ATP5F1C: variants seen among roughly 807,000 people sequenced by gnomAD.
ATP5F1C encodes ATP synthase F(1) complex subunit gamma, mitochondrial.
Under a neutral mutation model 37.4 loss-of-function variants are expected in ATP5F1C, and 22 were observed. The ratio of observed to expected loss-of-function variants is 0.59; its 90% CI spans 0.42 to 0.84. ATP5F1C has a LOEUF of 0.84. ATP5F1C is among the 40% of genes least tolerant of loss of function. The pLI is 0.00. For missense variants in ATP5F1C, 286 were observed against 362.4 expected (o/e 0.79, Z 1.71); for synonymous variants, 121 against 128.0 (o/e 0.95, Z 0.37).
intron 8 of ATP5F1C, chr10:7,804,057 G>A (rs1461048675): frequency 3.9e-6 from 2 of 518,456 alleles, no homozygotes; most frequent in Non-Finnish European, 7.7e-6. Context: ...AGTCTTCACA[G>A]TAAAGGCAGA....
chr10:7,793,111 G>GGTTTTT (rs781572293), intron 1 of ATP5F1C, among the ~76,000 whole-genome samples: 7 of 151,922 alleles, frequency 4.6e-5, no homozygotes, highest in Non-Finnish European at 8.8e-5. Context: ...CCATCTGGTT[G>GGTTTTT]GTTTTTGTTT....
intron 1 of ATP5F1C, among the ~76,000 whole-genome samples, chr10:7,789,787 CAA>C (rs1564329603): frequency 6.6e-6 from 1 of 152,128 alleles, no homozygotes; most frequent in East Asian, 1.9e-4. Flanking sequence ...GTTTCTGAAA[CAA>C]AGACAATATT....
At chr10:7,799,626 G>T in intron 4 of ATP5F1C, 146 bp from the exon 5 acceptor site, 1 of 820,408 alleles carries the variant, frequency 1.2e-6, no homozygotes, top group South Asian at 1.9e-5. Context: ...AATGATGATA[G>T]TGTGTGGAAC....
intron 1 of ATP5F1C, among the ~76,000 whole-genome samples, chr10:7,795,333 C>G (rs1334507731): frequency 6.6e-6 from 1 of 152,062 alleles, no homozygotes; most frequent in Non-Finnish European, 1.5e-5. Flanking sequence ...GCTTTGCCTG[C>G]AAACACAGGC....
intron 6 of ATP5F1C, among the ~76,000 whole-genome samples, chr10:7,801,786 A>C (rs901999922): frequency 6.6e-6 from 1 of 152,212 alleles, no homozygotes; most frequent in African/African-American, 2.4e-5. Flanking sequence ...GGAATTTTCC[A>C]CTTGTGGCAT....
intron 5 of ATP5F1C, 28 bp downstream of exon 5, chr10:7,799,943 T>C: frequency 6.2e-7 from 1 of 1,606,190 alleles, no homozygotes; most frequent in Non-Finnish European, 8.5e-7. Context: ...ATCAAAGCTT[T>C]TTTATGTTCA....
chr10:7,788,364 G>T (rs913439605), intron 1 of ATP5F1C, 101 bp downstream of exon 1: 1 of 1,472,802 alleles, frequency 6.8e-7, no homozygotes, highest in Admixed American at 1.9e-5. Context: ...ATGTGGGGTC[G>T]CAGGGCCTAG....
At chr10:7,803,937 C>A (rs1466666466) in intron 8 of ATP5F1C, among the ~76,000 whole-genome samples, 1 of 152,300 alleles carries the variant, frequency 6.6e-6, no homozygotes, top group Non-Finnish European at 1.5e-5. Context: ...AGATCCTTGT[C>A]ATTTCTCTCC....
rs1484437694 is a variant in ATP5F1C at position 7,788,247 on chromosome 10, A to T, written c.40A>T (p.Thr14Ser). The T allele has an allele frequency of 6.2e-7, 1 of 1,613,368 alleles. No homozygotes were observed. Among genetic ancestry groups the T allele is most frequent in the Non-Finnish European group, 8.5e-7 (1 of 1,179,884 alleles). Reference protein sequence around the residue: ...RAGVAGLSAWTLQPQWIQVRN... With the variant: ...RAGVAGLSAWSLQPQWIQVRN... ...GGGTGTCGCTGGGCTGTCGGCCTGG[A>T]CCTTGCAGCCGCAATGGTATGGCAG... Residue 14 changes from threonine (T) to serine (S), a missense_variant, in exon 1 of 10, where the codon ACC becomes TCC. Thr to Ser is a moderately conservative substitution (Grantham distance 58). Transcript: ENST00000356708.
intron 1 of ATP5F1C, among the ~76,000 whole-genome samples, chr10:7,790,907 C>G (rs111709357): frequency 1.3e-5 from 2 of 152,140 alleles, no homozygotes; most frequent in Non-Finnish European, 2.9e-5. Flanking sequence ...GATAGGGATC[C>G]AAATGCTGTA....
intron 1 of ATP5F1C, among the ~76,000 whole-genome samples, chr10:7,795,704 T>C (rs1836226625): frequency 1.3e-5 from 2 of 152,232 alleles, no homozygotes; most frequent in South Asian, 4.1e-4. Context: ...GACTATATCA[T>C]TGACTCTGTT....
At chr10:7,802,627 T>C (rs972095831) in intron 7 of ATP5F1C, 131 bp from the exon 8 acceptor site, 1 of 1,123,412 alleles carries the variant, frequency 8.9e-7, no homozygotes, top group Non-Finnish European at 1.3e-6. Context: ...AATATCTTCA[T>C]AACATTATTT....
rs1836321786 is a variant in ATP5F1C at position 7,799,965 on chromosome 10, A to G, written c.572+50A>G. On this transcript the variant is annotated intron_variant, in intron 5 of 9. Transcript: ENST00000356708. ...CTTTTTTATGTTCATGCTTTTGTTC[A>G]TATTTTGAAATAACAGTTTAAAAAT... is the stretch of plus-strand genomic sequence containing the variant. 6.2e-6 allele frequency: 10 copies of G among 1,605,556 alleles called. No individual in the cohort carries two copies. The South Asian group carries it at 9.0e-5, about 14-fold the overall frequency.
chr10:7,802,894 T>C, intron 8 of ATP5F1C, 40 bp downstream of exon 8: 1 of 1,572,126 alleles, frequency 6.4e-7, no homozygotes, highest in Non-Finnish European at 8.7e-7. Context: ...GAATTTTTTT[T>C]CCTCTTGCTG....
chr10:7,796,043 A>G, intron 1 of ATP5F1C, 78 bp from the exon 2 acceptor site: 1 of 1,064,786 alleles, frequency 9.4e-7, no homozygotes, highest in Non-Finnish European at 1.4e-6. Context: ...AAATAAATAT[A>G]TATTAACTGA....
intron 1 of ATP5F1C, among the ~76,000 whole-genome samples, chr10:7,790,485 C>T (rs1316934391): frequency 6.6e-6 from 1 of 152,138 alleles, no homozygotes; most frequent in Non-Finnish European, 1.5e-5. Flanking sequence ...AAAAACATTT[C>T]TATTTCTTAG....
intron 8 of ATP5F1C, among the ~76,000 whole-genome samples, chr10:7,805,442 C>G (rs956707662): frequency 2.0e-5 from 3 of 152,118 alleles, no homozygotes; most frequent in Non-Finnish European, 4.4e-5. Flanking sequence ...CAGCCTATTT[C>G]TTCATTAGAA....
At chr10:7,803,222 T>TG (rs762787054) in intron 8 of ATP5F1C, among the ~76,000 whole-genome samples, 2 of 152,160 alleles carry the variant, frequency 1.3e-5, no homozygotes, top group Non-Finnish European at 2.9e-5. Flanking sequence ...CATTGCATGT[T>TG]GGGAAGGTCC....
intron 9 of ATP5F1C, 22 bp from the exon 10 acceptor site, chr10:7,807,637 T>C: frequency 1.2e-6 from 2 of 1,603,184 alleles, no homozygotes; most frequent in Non-Finnish European, 1.7e-6. Context: ...ATTTCTTACT[T>C]GTTCTGTACT....
Sources: gnomAD v4.1 joint callset for allele counts (sites outside exome capture counted in the v4.1 genomes callset) on GRCh38, gnomAD v4.1.1 for gene constraint, MANE v1.5 for transcripts, NCBI Gene and HGNC (gene_info 2026-07-23, HGNC 2026-07-21) for gene names.